CDH7: variants seen among roughly 807,000 people sequenced by gnomAD.
CDH7 encodes cadherin 7, also known as cadherin-7.
In CDH7, 25 loss-of-function variants were observed where a neutral mutation model predicts 71.8. The observed-to-expected ratio is 0.35, with a 90% CI of 0.25 to 0.49. CDH7 has a LOEUF of 0.49. Ranked by LOEUF, CDH7 falls within the 20% of genes least tolerant of loss-of-function variation. The pLI, the probability that CDH7 is intolerant of heterozygous loss-of-function variation, is 0.99. For synonymous variants in CDH7, 381 were observed against 363.8 expected (o/e 1.05, Z -0.54); for missense variants, 862 against 974.6 (o/e 0.88, Z 1.54).
At position 65,876,770 on chromosome 18, in the gene CDH7, G is replaced by A. The variant is rs149437387; in HGVS notation, c.1865-3631G>A. 2.3e-4 allele frequency among the ~76,000 whole-genome samples: 35 copies of A among 152,286 alleles called. No individual in the cohort carries two copies. The East Asian group carries it at 6.8e-3, about 29-fold the overall frequency. On this transcript the variant is annotated intron_variant, in intron 11 of 11. Coordinates refer to ENST00000397968, the MANE Select transcript of CDH7 (RefSeq NM_004361.5). Reference sequence around the variant, plus strand: ...GGTCCCACGGAATCGTAAGGTCCATGAGTAAATGTTATATGTCTGCTTCTA... The same window carrying A: ...GGTCCCACGGAATCGTAAGGTCCATAAGTAAATGTTATATGTCTGCTTCTA...
At chr18:65,770,408 A>T (rs920322939) in intron 2 of CDH7, among the ~76,000 whole-genome samples, 1 of 152,204 alleles carries the variant, frequency 6.6e-6, no homozygotes, top group African/African-American at 2.4e-5. Flanking sequence ...TTGGAATAAT[A>T]AACACTTAGA....
chr18:65,771,889 A>G (rs756099425), intron 2 of CDH7, among the ~76,000 whole-genome samples: 11 of 152,120 alleles, frequency 7.2e-5, no homozygotes, highest in African/African-American at 2.7e-4. Flanking sequence ...TAGTTAGGCT[A>G]GAATCTTTGT....
chr18:65,753,401 A>G (rs1343882023), intron 1 of CDH7, among the ~76,000 whole-genome samples: 1 of 152,198 alleles, frequency 6.6e-6, no homozygotes, highest in Non-Finnish European at 1.5e-5. Context: ...TGGATTTCAT[A>G]AGGTTTTACA....
intron 11 of CDH7, among the ~76,000 whole-genome samples, chr18:65,874,042 C>T (rs1914001115): frequency 6.6e-6 from 1 of 152,122 alleles, no homozygotes; most frequent in African/African-American, 2.4e-5. Context: ...TGAGCACATA[C>T]TTACTATCAT....
At position 65,888,004 on chromosome 18, in the gene CDH7, C is replaced by A. The variant is rs1914416177; in HGVS notation, c.*7110C>A. The A allele has an allele frequency of 6.6e-6, 1 of 152,100 alleles. No individual in the cohort carries two copies. Among genetic ancestry groups the A allele is most frequent in the Non-Finnish European group, 1.5e-5 (1 of 68,012 alleles). The allele number at this position is 152,100 out of a possible 1,614,324, so 9.4% of individuals were successfully genotyped here. A position where few individuals can be genotyped will look rare whatever the true frequency, so the allele number is the denominator to read the frequency against. ...TAAAAGAGCCTTAAAAATGTTAATTCAATTGACTGCAGAATTGATCCTGAA... is the reference window on the plus strand; with the variant it reads ...TAAAAGAGCCTTAAAAATGTTAATTAAATTGACTGCAGAATTGATCCTGAA... On this transcript the variant is annotated 3_prime_UTR_variant, in exon 12 of 12. Coordinates refer to ENST00000397968, the MANE Select transcript of CDH7 (RefSeq NM_004361.5).
intron 4 of CDH7, among the ~76,000 whole-genome samples, chr18:65,816,617 A>C (rs1348418799): frequency 6.6e-6 from 1 of 152,210 alleles, no homozygotes; most frequent in Non-Finnish European, 1.5e-5. Context: ...TCAATTTCTA[A>C]GAAAATAACA....
intron 2 of CDH7, 82 bp downstream of exon 2, chr18:65,763,134 A>T (rs904523857): frequency 4.0e-6 from 3 of 753,580 alleles, no homozygotes; most frequent in South Asian, 4.6e-5. Context: ...TATATATATA[A>T]AATTTATTTT....
intron 2 of CDH7, among the ~76,000 whole-genome samples, chr18:65,793,655 A>G (rs1051022377): frequency 2.0e-5 from 3 of 152,160 alleles, no homozygotes; most frequent in Non-Finnish European, 2.9e-5. Context: ...TCACCAAAGT[A>G]TCCTATCATT....
chr18:65,793,414 G>T (rs1331953594), intron 2 of CDH7, among the ~76,000 whole-genome samples: 1 of 142,536 alleles, frequency 7.0e-6, no homozygotes, highest in Non-Finnish European at 1.5e-5. Flanking sequence ...GCGACACCCA[G>T]TCTCAAAAAA....
At chr18:65,807,647 G>A (rs962609929) in intron 2 of CDH7, among the ~76,000 whole-genome samples, 5 of 152,200 alleles carry the variant, frequency 3.3e-5, no homozygotes, top group East Asian at 1.9e-4. Context: ...AGCACTGAGC[G>A]TTAAGCGGCC....
chr18:65,878,268 G>C (rs1365607935), intron 11 of CDH7, among the ~76,000 whole-genome samples: 1 of 152,144 alleles, frequency 6.6e-6, no homozygotes, highest in African/African-American at 2.4e-5. Context: ...GTTGCATACT[G>C]ATAAGTAACT....
chr18:65,813,401 A>G (rs1394942649), intron 3 of CDH7, among the ~76,000 whole-genome samples: 1 of 152,184 alleles, frequency 6.6e-6, no homozygotes, highest in Non-Finnish European at 1.5e-5. Flanking sequence ...TAACTTTCAT[A>G]ATTTCCACGT....
intron 3 of CDH7, 30 bp downstream of exon 3, chr18:65,810,028 T>C (rs1911475108): frequency 1.3e-6 from 2 of 1,568,396 alleles, no homozygotes; most frequent in Non-Finnish European, 1.7e-6. Flanking sequence ...CTTTTGTAGC[T>C]TGTGGCCGAT....
rs1335605945 is a variant in CDH7, at chr18:65,782,166, C to T, written c.210+19114C>T. ...TCTTTCTTTCTTTCTTTCTTTCTTCCTTTCTTTCTTTCTTTCTTTCTTGAC... is the reference window on the plus strand; with the variant it reads ...TCTTTCTTTCTTTCTTTCTTTCTTCTTTTCTTTCTTTCTTTCTTTCTTGAC... On this transcript the variant is annotated intron_variant, in intron 2 of 11. Coordinates refer to ENST00000397968, the MANE Select transcript of CDH7 (RefSeq NM_004361.5). Among the ~76,000 whole-genome samples the T allele has an allele frequency of 1.8e-3, 198 of 112,552 alleles. 22 individuals carry two copies. Among genetic ancestry groups the T allele is most frequent in the African/African-American group, 8.1e-3 (190 of 23,500 alleles). 73.8% of individuals were successfully genotyped at this position (112,552 alleles called of 152,430 possible). A position where few individuals can be genotyped will look rare whatever the true frequency, so the allele number is the denominator to read the frequency against.
chr18:65,863,156 G>A (rs1174699164), intron 11 of CDH7: 2 of 549,986 alleles, frequency 3.6e-6, no homozygotes, highest in Non-Finnish European at 6.5e-6. Flanking sequence ...TCCCACCTCA[G>A]CCTCCCGAGT....
At chr18:65,772,453 G>A (rs1204733792) in intron 2 of CDH7, among the ~76,000 whole-genome samples, 1 of 152,124 alleles carries the variant, frequency 6.6e-6, no homozygotes, top group East Asian at 1.9e-4. Flanking sequence ...GAATTTAGGT[G>A]GTTAACTGAT....
chr18:65,876,956 T>C (rs1009771696), intron 11 of CDH7, among the ~76,000 whole-genome samples: 2 of 152,176 alleles, frequency 1.3e-5, no homozygotes, highest in Non-Finnish European at 2.9e-5. Flanking sequence ...CACTCAGAAG[T>C]AGAGGTCATA....
In CDH7 at chr18:65,847,427, A is replaced by G. The variant is rs116735349; in HGVS notation, c.1235+3362A>G. 1.9e-3 allele frequency among the ~76,000 whole-genome samples: 291 copies of G among 152,324 alleles called. 3 individuals are homozygous for G. The highest frequency in any genetic ancestry group is 6.5e-3 in the African/African-American group (270 of 41,584). On this transcript the variant is annotated intron_variant, in intron 7 of 11. Coordinates refer to ENST00000397968, the MANE Select transcript of CDH7 (RefSeq NM_004361.5). ...ACATTCTCTGTTGTATAATACTGAA[A>G]TCTAGCATATGTCATTTATGTTTGT...
chr18:65,827,798 A>C (rs1039045811), intron 6 of CDH7, among the ~76,000 whole-genome samples: 4 of 151,942 alleles, frequency 2.6e-5, no homozygotes, highest in Non-Finnish European at 5.9e-5. Flanking sequence ...TATGGTCTGC[A>C]ATTTTTATGT....
Sources: allele counts gnomAD v4.1 joint callset (sites outside exome capture counted in the v4.1 genomes callset), GRCh38; gene constraint gnomAD v4.1.1; transcripts MANE v1.5; gene names NCBI Gene and HGNC (gene_info 2026-07-23, HGNC 2026-07-21).